Variants in NAV3 observed in about 807,000 individuals in gnomAD.
NAV3 encodes pore membrane and/or filament interacting like protein 1.
In NAV3, 87 loss-of-function variants were observed where a neutral mutation model predicts 244.7. The observed-to-expected ratio is 0.36, with a 90% CI of 0.30 to 0.42. The LOEUF is 0.42. Among genes scored for constraint, NAV3 ranks in the 20% least tolerant of loss-of-function variants. NAV3 has a pLI of 1.00. For missense variants in NAV3, 2,663 were observed against 2,893.3 expected, an observed-to-expected ratio of 0.92 and a Z score of 1.83; for synonymous variants, 1,126 against 1,042.2, an observed-to-expected ratio of 1.08 and a Z score of -1.55.
In NAV3 at chr12:78,119,532, C is replaced by G. The variant is rs1011455246; in HGVS notation, c.3336C>G (p.Thr1112=). Residue 1112 remains threonine (T), a synonymous_variant, in exon 15 of 40, where the codon ACC becomes ACG. Transcript: ENST00000397909. ...IGGKSNAGRK[T]SLDGSQNQDD... is the part of the protein sequence containing the mutation. ...GGAAGTCAAATGCAGGGAGAAAAACCAGTTTGGACGGTTCACAGAATCAGG... is the reference window on the plus strand; with the variant it reads ...GGAAGTCAAATGCAGGGAGAAAAACGAGTTTGGACGGTTCACAGAATCAGG... The G allele has an allele frequency of 6.2e-7, 1 of 1,614,166 alleles. No homozygotes were observed.
intron 2 of NAV3, among the ~76,000 whole-genome samples, chr12:77,822,282 A>G (rs1224063866): frequency 6.6e-6 from 1 of 152,184 alleles, no homozygotes; most frequent in Non-Finnish European, 1.5e-5. Flanking sequence ...CATTGTGTGC[A>G]TTCTTTAAAA....
intron 21 of NAV3, among the ~76,000 whole-genome samples, chr12:78,147,979 A>T (rs1457551866): frequency 6.6e-6 from 1 of 152,108 alleles, no homozygotes; most frequent in Admixed American, 6.6e-5. Context: ...TATTAGTCAC[A>T]ACATGAGACT....
At chr12:78,145,613 A>G (rs1956834035) in intron 20 of NAV3, among the ~76,000 whole-genome samples, 1 of 152,168 alleles carries the variant, frequency 6.6e-6, no homozygotes, top group Non-Finnish European at 1.5e-5. Flanking sequence ...TTTGCAGCCC[A>G]GCATGAAGAA....
intron 18 of NAV3, among the ~76,000 whole-genome samples, chr12:78,131,527 A>G (rs1593716572): frequency 6.6e-6 from 1 of 152,160 alleles, no homozygotes; most frequent in Non-Finnish European, 1.5e-5. Flanking sequence ...CAAATCACCT[A>G]AAGTGCTATA....
chr12:77,921,518 G>T (rs1305691398), intron 1 of NAV3, among the ~76,000 whole-genome samples: 2 of 152,054 alleles, frequency 1.3e-5, no homozygotes, highest in Non-Finnish European at 2.9e-5. Context: ...ATTAGAGCAG[G>T]AAAATCATGC....
intron 8 of NAV3, among the ~76,000 whole-genome samples, chr12:78,017,492 G>C (rs1015087106): frequency 2.0e-5 from 3 of 152,046 alleles, no homozygotes; most frequent in African/African-American, 7.2e-5. Context: ...GTATCTTATA[G>C]TTTCAATAGT....
intron 22 of NAV3, among the ~76,000 whole-genome samples, chr12:78,149,785 C>T (rs1252106890): frequency 6.6e-6 from 1 of 152,002 alleles, no homozygotes; most frequent in Non-Finnish European, 1.5e-5. Flanking sequence ...CTAGACAAAG[C>T]ATGATATGTC....
chr12:77,879,431 G>T (rs1293974725), intron 1 of NAV3, among the ~76,000 whole-genome samples: 1 of 152,066 alleles, frequency 6.6e-6, no homozygotes, highest in Non-Finnish European at 1.5e-5. Context: ...ACTTTGGGAG[G>T]TCCAGGCAGG....
At chr12:77,702,974 T>C (rs998120333) in intron 2 of NAV3, among the ~76,000 whole-genome samples, 46 of 152,046 alleles carry the variant, frequency 3.0e-4, no homozygotes, top group African/African-American at 1.1e-3. Flanking sequence ...TGCTGACCAA[T>C]TGCCTCCATT....
At chr12:78,003,692 C>T (rs1378369002) in intron 7 of NAV3, among the ~76,000 whole-genome samples, 1 of 152,184 alleles carries the variant, frequency 6.6e-6, no homozygotes, top group African/African-American at 2.4e-5. Context: ...GTGACTGCCA[C>T]ATTTACATCC....
intron 2 of NAV3, among the ~76,000 whole-genome samples, chr12:77,661,950 T>G (rs573994402): frequency 4.5e-4 from 68 of 152,196 alleles, no homozygotes; most frequent in African/African-American, 1.4e-3. Context: ...ACATTGTTAC[T>G]TGATTACTGT....
chr12:78,120,062 A>ATATG (rs1233465798), intron 15 of NAV3, 117 bp downstream of exon 15: 2 of 511,186 alleles, frequency 3.9e-6, no homozygotes, highest in African/African-American at 4.2e-5. Flanking sequence ...GTATATATAT[A>ATATG]TCTTAGAATT....
intron 28 of NAV3, among the ~76,000 whole-genome samples, chr12:78,178,519 C>G (rs1958355537): frequency 6.6e-5 from 10 of 152,030 alleles, no homozygotes; most frequent in Admixed American, 6.6e-4. Flanking sequence ...ACCACAGAAA[C>G]TAAAATTGTG....
intron 34 of NAV3, among the ~76,000 whole-genome samples, chr12:78,196,999 T>A (rs949488956): frequency 2.6e-5 from 4 of 151,944 alleles, no homozygotes; most frequent in Non-Finnish European, 5.9e-5. Context: ...TACTTTTATA[T>A]TTGCTGCAGG....
chr12:77,599,660 C>T (rs1870331242), intron 2 of NAV3, among the ~76,000 whole-genome samples: 2 of 151,096 alleles, frequency 1.3e-5, no homozygotes, highest in Non-Finnish European at 3.0e-5. Context: ...ATTTTCAAAC[C>T]CTTTTTTTTA....
chr12:78,005,892 A>C (rs1377215033), intron 7 of NAV3, among the ~76,000 whole-genome samples: 1 of 152,202 alleles, frequency 6.6e-6, no homozygotes, highest in Admixed American at 6.5e-5. Context: ...TTCATTATAG[A>C]ATAAAGCGAA....
At chr12:77,670,695 C>A (rs984168104) in intron 2 of NAV3, among the ~76,000 whole-genome samples, 1 of 152,086 alleles carries the variant, frequency 6.6e-6, no homozygotes, top group Admixed American at 6.5e-5. Context: ...ATCAGACGAT[C>A]TTCTCAATAG....
intron 2 of NAV3, among the ~76,000 whole-genome samples, chr12:77,696,716 T>C (rs1875317552): frequency 6.6e-6 from 1 of 152,032 alleles, no homozygotes; most frequent in Admixed American, 6.6e-5. Context: ...TAGAACAGAG[T>C]TGCATTTGCT....
intron 3 of NAV3, among the ~76,000 whole-genome samples, chr12:77,954,876 A>G (rs1463548639): frequency 2.0e-5 from 3 of 152,202 alleles, no homozygotes; most frequent in Non-Finnish European, 4.4e-5. Context: ...AAATCTATGT[A>G]TGTACTGTGT....
Sources: gnomAD v4.1 joint callset for allele counts (sites outside exome capture counted in the v4.1 genomes callset) on GRCh38, gnomAD v4.1.1 for gene constraint, MANE v1.5 for transcripts, NCBI Gene and HGNC (gene_info 2026-07-23, HGNC 2026-07-21) for gene names.